The following NBR1 variants were observed in gnomAD, a reference collection of about 807,000 sequenced individuals.
NBR1 encodes NBR1 autophagy cargo receptor, also known as next to BRCA1 gene 1 protein.
Under a neutral mutation model 115.5 loss-of-function variants are expected in NBR1, and 59 were observed. The observed-to-expected ratio is 0.51, with a 90% CI of 0.41 to 0.63. NBR1 has a LOEUF of 0.63. Among genes scored for constraint, NBR1 ranks in the 30% least tolerant of loss-of-function variants. The pLI is 0.00. For synonymous variants in NBR1, 373 were observed against 414.7 expected (o/e 0.90, Z 1.22); for missense variants, 1,043 against 1,150.5 (o/e 0.91, Z 1.35).
At chr17:43,179,703 T>C (rs1018762697) in intron 4 of NBR1, among the ~76,000 whole-genome samples, 2 of 152,226 alleles carry the variant, frequency 1.3e-5, no homozygotes, top group African/African-American at 4.8e-5. Context: ...CCCATGGTGT[T>C]GCATTTGTTT....
At chr17:43,205,031 T>A (rs2057287239) in intron 20 of NBR1, among the ~76,000 whole-genome samples, 1 of 151,506 alleles carries the variant, frequency 6.6e-6, no homozygotes, top group Admixed American at 6.6e-5. Context: ...GGGAAACAAG[T>A]GAGGTGCATG....
At position 43,189,572 on chromosome 17, in the gene NBR1, C is replaced by CT. The variant is rs1698331169; in HGVS notation, c.481-15dup. ...TGGAACTGAGTTTTTTCCCTACCTT[C>CT]TGCTCCATATTCTAGTTCAGAGAAC... On this transcript the variant is annotated splice_polypyrimidine_tract_variant and intron_variant, in intron 7 of 20. Transcript: ENST00000590996. The CT allele has an allele frequency of 1.2e-6, 2 of 1,600,156 alleles. No homozygotes were observed. Among genetic ancestry groups the CT allele is most frequent in the Non-Finnish European group, 1.7e-6 (2 of 1,167,994 alleles).
intron 5 of NBR1, among the ~76,000 whole-genome samples, 195 bp from the exon 6 acceptor site, chr17:43,186,055 T>C (rs1187620636): frequency 6.6e-6 from 1 of 151,940 alleles, no homozygotes; most frequent in Non-Finnish European, 1.5e-5. Flanking sequence ...AATAAATTTC[T>C]AGTTAACATT....
intron 2 of NBR1, chr17:43,176,345 T>G (rs1350180013): frequency 6.5e-6 from 1 of 153,288 alleles, no homozygotes. Flanking sequence ...ATCTCAGAGT[T>G]GAGCAGGAAA....
intron 16 of NBR1, among the ~76,000 whole-genome samples, chr17:43,199,528 C>T (rs1165034423): frequency 6.6e-6 from 1 of 152,062 alleles, no homozygotes; most frequent in Non-Finnish European, 1.5e-5. Context: ...GCGCCCGCCA[C>T]CATGCCCGGG....
At chr17:43,190,322 A>G (rs1037400248) in intron 8 of NBR1, 3 of 409,330 alleles carry the variant, frequency 7.3e-6, no homozygotes, top group South Asian at 2.1e-5. Context: ...CCTCTTCTCC[A>G]TGGCCTCCCA....
In NBR1 at chr17:43,194,482, GA is replaced by G; in HGVS notation, c.1658del (p.Asp553ValfsTer3). 1.9e-6 allele frequency: 3 copies of G among 1,613,944 alleles called. No individual in the cohort carries two copies. Among genetic ancestry groups the G allele is most frequent in the Non-Finnish European group, 2.5e-6 (3 of 1,179,856 alleles). On this transcript the variant is annotated frameshift_variant, in exon 13 of 21. Coordinates refer to ENST00000590996, the MANE Select transcript of NBR1 (RefSeq NM_005899.5). LOFTEE classifies it high-confidence loss of function. Reference sequence around the variant, plus strand: ...GAGGGAGCTCTACATCCCATCTGTGGATCTTCTGACTGCCCAGGTGGAAGAT... The same window carrying G: ...GAGGGAGCTCTACATCCCATCTGTGGTCTTCTGACTGCCCAGGTGGAAGAT... Reference protein sequence around the residue: ...SERELYIPSVDLLTAQDLLSF... With the variant: ...SERELYIPSVXLLTAQDLLSF...
chr17:43,182,526 C>T (rs2056696912), intron 5 of NBR1, among the ~76,000 whole-genome samples: 1 of 151,042 alleles, frequency 6.6e-6, no homozygotes. Context: ...CAGCCTATGT[C>T]ACTCTGTTCT....
At chr17:43,181,172 T>G (rs1458820841) in intron 5 of NBR1, among the ~76,000 whole-genome samples, 2 of 152,222 alleles carry the variant, frequency 1.3e-5, no homozygotes, top group African/African-American at 4.8e-5. Context: ...GCGTCTGGCC[T>G]AAAATATTTA....
At chr17:43,199,504 A>G (rs1284131678) in intron 16 of NBR1, among the ~76,000 whole-genome samples, 1 of 151,882 alleles carries the variant, frequency 6.6e-6, no homozygotes, top group African/African-American at 2.4e-5. Flanking sequence ...CCTCCCGAGT[A>G]GCTGGCACTA....
intron 14 of NBR1, 99 bp downstream of exon 14, chr17:43,195,138 G>A: frequency 1.1e-6 from 1 of 915,346 alleles, no homozygotes; most frequent in Non-Finnish European, 1.7e-6. Context: ...GAAATGGCAA[G>A]GATTTCTCCC....
In NBR1 at chr17:43,210,337, C is replaced by G. The variant is rs1340961044; in HGVS notation, c.*263C>G. 2.5e-6 allele frequency: 1 copy of G among 392,722 alleles called. No homozygotes were observed. Among genetic ancestry groups the G allele is most frequent in the African/African-American group, 2.1e-5 (1 of 48,536 alleles). The allele number at this position is 392,722 out of a possible 1,614,324, so 24.3% of individuals were successfully genotyped here. A position where few individuals can be genotyped will look rare whatever the true frequency, so the allele number is the denominator to read the frequency against. ...GGATAAAACTATTTTAGTGCATTGACAAGTGTAACTTCAACTTCATATAGA... is the reference window on the plus strand; with the variant it reads ...GGATAAAACTATTTTAGTGCATTGAGAAGTGTAACTTCAACTTCATATAGA... On this transcript the variant is annotated 3_prime_UTR_variant, in exon 21 of 21. Coordinates refer to ENST00000590996, the MANE Select transcript of NBR1 (RefSeq NM_005899.5).
intron 16 of NBR1, 139 bp from the exon 17 acceptor site, chr17:43,200,028 C>G: frequency 1.5e-6 from 1 of 677,878 alleles, no homozygotes; most frequent in Non-Finnish European, 2.5e-6. Context: ...AGTTCCAGAA[C>G]CAGCCCTTCC....
intron 1 of NBR1, 98 bp from the exon 2 acceptor site, chr17:43,175,693 G>T: frequency 3.4e-6 from 2 of 596,378 alleles, no homozygotes; most frequent in Non-Finnish European, 6.0e-6. Context: ...GCCCATATTG[G>T]GTCCTCACAA....
intron 12 of NBR1, among the ~76,000 whole-genome samples, chr17:43,193,977 C>T (rs540440333): frequency 5.4e-4 from 82 of 152,306 alleles, no homozygotes; most frequent in Non-Finnish European, 9.4e-4. Flanking sequence ...ACATCCATCT[C>T]TCCTGAAATA....
chr17:43,189,131 G>C lies in NBR1; in HGVS notation c.480+12G>C, dbSNP rs1328406398. 1.3e-6 allele frequency: 2 copies of C among 1,594,086 alleles called. No individual in the cohort carries two copies. The highest frequency in any genetic ancestry group is 2.2e-5 in the East Asian group (1 of 44,766). On this transcript the variant is annotated intron_variant, in intron 7 of 20. Coordinates refer to ENST00000590996, the MANE Select transcript of NBR1 (RefSeq NM_005899.5). ...GCTACCTGGAGACGGTGAGTGTTCT[G>C]TCTCGCTTGGGTTTTAACTGCGGTG...
intron 9 of NBR1, 77 bp downstream of exon 9, chr17:43,190,853 TAC>T: frequency 7.2e-7 from 1 of 1,385,294 alleles, no homozygotes; most frequent in Non-Finnish European, 9.8e-7. Context: ...ATCACAAAAC[TAC>T]AGATAGTCTC....
At chr17:43,206,922 G>A (rs542698108) in intron 20 of NBR1, among the ~76,000 whole-genome samples, 13 of 152,136 alleles carry the variant, frequency 8.5e-5, no homozygotes, top group African/African-American at 2.9e-4. Flanking sequence ...GAAATTAGCC[G>A]GACTTGGTGG....
intron 5 of NBR1, among the ~76,000 whole-genome samples, chr17:43,183,082 A>G (rs1286534546): frequency 4.7e-5 from 7 of 149,384 alleles, no homozygotes; most frequent in East Asian, 4.0e-4. Context: ...TTTTTGAGAC[A>G]GGGTTTTACC....
Sources: allele counts gnomAD v4.1 joint callset (sites outside exome capture counted in the v4.1 genomes callset), GRCh38; gene constraint gnomAD v4.1.1; transcripts MANE v1.5; gene names NCBI Gene and HGNC (gene_info 2026-07-23, HGNC 2026-07-21).